The following MSR1 variants were observed in gnomAD, a reference collection of about 807,000 sequenced individuals.
The protein encoded by MSR1 is macrophage scavenger receptor 1, also known as macrophage scavenger receptor types I and II.
In MSR1, 53 loss-of-function variants were observed where a neutral mutation model predicts 47.2. The ratio of observed to expected loss-of-function variants is 1.12; its 90% confidence interval spans 0.90 to 1.41. The LOEUF is 1.41. MSR1 is among the 40% of genes most tolerant of loss of function. The pLI is 0.00. For synonymous variants in MSR1, 239 were observed against 185.6 expected (o/e 1.29, Z -2.34); for missense variants, 786 against 546.9 (o/e 1.44, Z -4.36).
chr8:16,187,715 C>T (rs1401059493), intron 1 of MSR1, among the ~76,000 whole-genome samples: 1 of 151,996 alleles, frequency 6.6e-6, no homozygotes, highest in East Asian at 1.9e-4. Context: ...TTAGGTTATG[C>T]CTCAAGAAAA....
Position 16,188,764 on chromosome 8 carries a change from T to C in MSR1, c.-5+3834A>G, listed in dbSNP as rs1802074122. Among the ~76,000 whole-genome samples, 12 of 152,058 alleles carry C rather than the reference T, an allele frequency of 7.9e-5. No homozygotes were observed. In the South Asian group the frequency reaches 2.5e-3, roughly 32 times the overall value. On this transcript the variant is annotated intron_variant, in intron 1 of 9. Transcript: ENST00000262101. ...CTTATGAGTGAGAACATGCAGTGTT[T>C]CTTTTTCTGTTCCTCTGTTAGTTTG...
intron 3 of MSR1, among the ~76,000 whole-genome samples, chr8:16,170,575 T>A (rs1801455368): frequency 6.6e-6 from 1 of 152,210 alleles, no homozygotes; most frequent in Non-Finnish European, 1.5e-5. Context: ...TAATTTCATA[T>A]TGCTCAAAAA....
chr8:16,155,374 A>G (rs905975016), intron 5 of MSR1, among the ~76,000 whole-genome samples: 4 of 152,034 alleles, frequency 2.6e-5, no homozygotes, highest in Non-Finnish European at 5.9e-5. Flanking sequence ...CTAACAGTAT[A>G]TTAAATGTGA....
chr8:16,158,479 A>G (rs1246324056), intron 5 of MSR1, among the ~76,000 whole-genome samples: 1 of 151,984 alleles, frequency 6.6e-6, no homozygotes, highest in Non-Finnish European at 1.5e-5. Flanking sequence ...TAGCACTAAT[A>G]ATATCTGACT....
chr8:16,124,366 A>C (rs1800080339), intron 8 of MSR1, among the ~76,000 whole-genome samples: 1 of 152,202 alleles, frequency 6.6e-6, no homozygotes, highest in South Asian at 2.1e-4. Context: ...CCCTGGTAGA[A>C]TTACAAACAT....
At position 16,143,585 on chromosome 8, in the gene MSR1, C is replaced by A. The variant is rs1403140143; in HGVS notation, c.1006G>T (p.Gly336Trp). The change falls in exon 8 of 10, where the codon GGG becomes TGG. Residue 336 changes from glycine to tryptophan, a missense_variant. By Grantham distance (184) the Gly-to-Trp change is radical. Transcript: ENST00000262101. ...AATGTGTTTCCACTCCCCTTTTCCC[C>A]TTTCTGGCCTTTTGGTCCAGAATTT... ...PGNSGPKGQK[G>W]EKGSGNTLTP... is the part of the protein sequence containing the mutation. 3 of 1,612,510 alleles carry A rather than the reference C, an allele frequency of 1.9e-6. No individual in the cohort carries two copies. The highest frequency in any genetic ancestry group is 1.7e-5 in the Admixed American group (1 of 59,950).
rs192906317 is a variant in MSR1 at position 16,161,182 on chromosome 8, T to C, written c.817+2883A>G. Among the ~76,000 whole-genome samples, 23 of 151,826 alleles carry C rather than the reference T, an allele frequency of 1.5e-4. 1 individual carries two copies. The highest frequency in any genetic ancestry group is 7.2e-4 in the Admixed American group (11 of 15,208). On this transcript the variant is annotated intron_variant, in intron 5 of 9. Coordinates refer to ENST00000262101, the MANE Select transcript of MSR1 (RefSeq NM_138715.3). ...GTAAGAAGAAGTTTGGTTTGAGATA[T>C]TGTATGAAATAAGAATTAGTAGGAC...
intron 1 of MSR1, among the ~76,000 whole-genome samples, chr8:16,181,245 G>T (rs909177278): frequency 6.6e-6 from 1 of 152,084 alleles, no homozygotes; most frequent in Non-Finnish European, 1.5e-5. Flanking sequence ...GGCATTTCTG[G>T]TTCTAAATCC....
At chr8:16,141,081 TA>T in intron 8 of MSR1, 1 of 1,608,688 alleles carries the variant, frequency 6.2e-7, no homozygotes, top group Non-Finnish European at 8.5e-7. Context: ...TAATTATTTT[TA>T]ACATATTTTC....
At chr8:16,150,136 G>GTA (rs1337193490) in intron 7 of MSR1, 95 bp downstream of exon 7, 48 of 190,318 alleles carry the variant, frequency 2.5e-4, no homozygotes, top group African/African-American at 2.1e-3. Context: ...GTATGTGTGT[G>GTA]TGTGTATATA....
chr8:16,142,414 G>C (rs948749816), intron 8 of MSR1, among the ~76,000 whole-genome samples: 1 of 152,198 alleles, frequency 6.6e-6, no homozygotes, highest in Non-Finnish European at 1.5e-5. Flanking sequence ...GGATAGAATG[G>C]AGAAAAGACA....
chr8:16,145,723 A>G (rs551254125), intron 7 of MSR1, among the ~76,000 whole-genome samples: 1 of 152,230 alleles, frequency 6.6e-6, no homozygotes, highest in South Asian at 2.1e-4. Context: ...AAAAAAACAA[A>G]CAAATGTTTT....
At position 16,112,371 on chromosome 8, in the gene MSR1, T is replaced by C. The variant is rs1799777106; in HGVS notation, c.1223-2153A>G. Among the ~76,000 whole-genome samples, 2 of 152,160 alleles carry C rather than the reference T, an allele frequency of 1.3e-5. 1 individual carries two copies. Among genetic ancestry groups the C allele is most frequent in the African/African-American group, 4.8e-5 (2 of 41,446 alleles). On this transcript the variant is annotated intron_variant, in intron 9 of 9. Transcript: ENST00000262101. ...GACTGAGAAAGGGTGTATGACTTTCTCAAATTTACAAAGAATAGATCCAGG... is the reference window on the plus strand; with the variant it reads ...GACTGAGAAAGGGTGTATGACTTTCCCAAATTTACAAAGAATAGATCCAGG...
In MSR1 at chr8:16,139,747, TAAAAAA is replaced by T. The variant is rs1162319738; in HGVS notation, c.1033+3805_1033+3810del. ...CCAAGCTCGACTACACTTCAAAACT[TAAAAAA>T]AAAAAAAAAAAAAAAAAAAAAATAT... On this transcript the variant is annotated intron_variant, in intron 8 of 9. Coordinates refer to ENST00000262101, the MANE Select transcript of MSR1 (RefSeq NM_138715.3). 19 of 146,608 alleles carry T rather than the reference TAAAAAA, an allele frequency of 1.3e-4. No homozygotes were observed. In the Admixed American group the frequency reaches 1.5e-3, roughly 12 times the overall value. 9.1% of individuals were successfully genotyped at this position (146,608 alleles called of 1,614,324 possible). A position where few individuals can be genotyped will look rare whatever the true frequency, so the allele number is the denominator to read the frequency against.
chr8:16,162,329 G>C (rs1024248259), intron 5 of MSR1, among the ~76,000 whole-genome samples: 5 of 151,954 alleles, frequency 3.3e-5, no homozygotes, highest in Non-Finnish European at 5.9e-5. Flanking sequence ...AGTCAAAATA[G>C]AGAAAATGAA....
intron 8 of MSR1, among the ~76,000 whole-genome samples, chr8:16,132,080 G>T (rs145828376): frequency 0.02 from 3,057 of 152,046 alleles, 71 homozygotes; most frequent in Middle Eastern, 0.086. Flanking sequence ...GCTTTGGGTG[G>T]TGTGGCCATT....
chr8:16,115,070 T>G (rs1033809725), intron 9 of MSR1, among the ~76,000 whole-genome samples: 1 of 151,994 alleles, frequency 6.6e-6, no homozygotes, highest in Admixed American at 6.6e-5. Flanking sequence ...TCCCAGCTAC[T>G]TGGGAGGCTG....
At chr8:16,115,761 TGAGG>T (rs1229314772) in intron 9 of MSR1, among the ~76,000 whole-genome samples, 2 of 152,042 alleles carry the variant, frequency 1.3e-5, no homozygotes, top group Admixed American at 1.3e-4. Context: ...GAGGATTGCT[TGAGG>T]CTAGGAGTTT....
chr8:16,145,980 C>T (rs907605760), intron 7 of MSR1, among the ~76,000 whole-genome samples: 3 of 152,024 alleles, frequency 2.0e-5, no homozygotes, highest in Non-Finnish European at 4.4e-5. Context: ...AAGTAAGAAC[C>T]AGGTCATATG....
Sources: gnomAD v4.1 joint callset for allele counts (sites outside exome capture counted in the v4.1 genomes callset) on GRCh38, gnomAD v4.1.1 for gene constraint, MANE v1.5 for transcripts, NCBI Gene and HGNC (gene_info 2026-07-23, HGNC 2026-07-21) for gene names.